The following AAGAB variants were observed in gnomAD, a reference collection of about 807,000 sequenced individuals.
The protein encoded by AAGAB is alpha- and gamma-adaptin-binding protein p34.
Under a neutral mutation model 44.1 loss-of-function variants are expected in AAGAB, and 38 were observed. The ratio of observed to expected loss-of-function variants is 0.86; its 90% CI spans 0.67 to 1.13. The LOEUF is 1.13. AAGAB is among the 50% of genes most tolerant of loss of function. The pLI is 0.00. For synonymous variants in AAGAB, 131 were observed against 131.8 expected, an observed-to-expected ratio of 0.99 and a Z score of 0.04; for missense variants, 450 against 373.8, an observed-to-expected ratio of 1.20 and a Z score of -1.68.
intron 5 of AAGAB, among the ~76,000 whole-genome samples, chr15:67,213,854 A>G (rs1963880615): frequency 6.6e-6 from 1 of 152,254 alleles, no homozygotes; most frequent in African/African-American, 2.4e-5. Flanking sequence ...TCCTCACAAC[A>G]ATCAAAGTAT....
chr15:67,210,409 G>A (rs1353658327), intron 5 of AAGAB, among the ~76,000 whole-genome samples: 4 of 151,856 alleles, frequency 2.6e-5, no homozygotes, highest in Non-Finnish European at 5.9e-5. Context: ...TCAGCTACTC[G>A]GGAGGCTGAG....
intron 1 of AAGAB, chr15:67,254,309 G>A (rs747445154): frequency 2.8e-6 from 3 of 1,068,698 alleles, no homozygotes; most frequent in East Asian, 2.9e-5. Flanking sequence ...GGCCTGGGCT[G>A]AGCAGAGCGG....
intron 1 of AAGAB, among the ~76,000 whole-genome samples, chr15:67,251,024 C>G (rs1016953480): frequency 6.6e-6 from 1 of 152,046 alleles, no homozygotes; most frequent in Admixed American, 6.6e-5. Flanking sequence ...GAGACTCCGT[C>G]TCAATAATTA....
chr15:67,227,546 A>G (rs1279389420), intron 5 of AAGAB, among the ~76,000 whole-genome samples: 1 of 152,312 alleles, frequency 6.6e-6, no homozygotes, highest in South Asian at 2.1e-4. Context: ...AAGAAAAAAG[A>G]GTAGGAAAAA....
chr15:67,232,853 G>T, intron 4 of AAGAB: 1 of 178,326 alleles, frequency 5.6e-6, no homozygotes, highest in East Asian at 1.5e-4. Context: ...GTGCTGCAAG[G>T]ATGTTATCAG....
Position 67,249,528 on chromosome 15 carries a change from T to C in AAGAB, c.73+5031A>G, listed in dbSNP as rs147726569. The stretch of plus-strand genomic sequence containing the variant: ...CATAATGCTCTTTTTTAATATGTAT[T>C]TAATTTAATACACATATTAAATAAT... On this transcript the variant is annotated intron_variant, in intron 1 of 9. Coordinates refer to ENST00000261880, the MANE Select transcript of AAGAB (RefSeq NM_024666.5). Among the ~76,000 whole-genome samples, 123 of 152,330 alleles carry C rather than the reference T, an allele frequency of 8.1e-4. No individual in the cohort carries two copies. The East Asian group carries it at 0.013, about 16-fold the overall frequency.
chr15:67,236,490 A>C lies in AAGAB; in HGVS notation c.279T>G (p.Asp93Glu). ...YFDSTQKSGL[D>E]SVSSWLPLAK... is the part of the protein sequence containing the mutation. ...CCAGTGGAAGCCATGAGGAGACACT[A>C]TCAAGGCCCGATTTCTAGAGGGAAC... The change falls in exon 3 of 10, where the codon GAT becomes GAG. Residue 93 changes from aspartate (D) to glutamate (E), a missense_variant. By Grantham distance (45) the Asp-to-Glu change is conservative. Coordinates refer to ENST00000261880, the MANE Select transcript of AAGAB (RefSeq NM_024666.5). 1 of 1,614,106 alleles carries C rather than the reference A, an allele frequency of 6.2e-7. No homozygotes were observed. Among genetic ancestry groups the C allele is most frequent in the Non-Finnish European group, 8.5e-7 (1 of 1,179,952 alleles).
At chr15:67,224,452 T>C (rs186236714) in intron 5 of AAGAB, among the ~76,000 whole-genome samples, 11 of 152,280 alleles carry the variant, frequency 7.2e-5, no homozygotes, top group Non-Finnish European at 1.5e-4. Context: ...TAGACCATAC[T>C]AGAAACAAGT....
intron 7 of AAGAB, among the ~76,000 whole-genome samples, chr15:67,205,439 A>T (rs1963663468): frequency 6.6e-6 from 1 of 152,224 alleles, no homozygotes; most frequent in Non-Finnish European, 1.5e-5. Context: ...TGTAGACAGA[A>T]TCACTCCATG....
At chr15:67,243,931 T>A (rs905288956) in intron 1 of AAGAB, among the ~76,000 whole-genome samples, 2 of 152,186 alleles carry the variant, frequency 1.3e-5, no homozygotes, top group African/African-American at 4.8e-5. Flanking sequence ...GAAAATAATC[T>A]ATGAATGGTA....
chr15:67,235,823 TG>T (rs1173322408), intron 4 of AAGAB, among the ~76,000 whole-genome samples, 155 bp downstream of exon 4: 8 of 152,220 alleles, frequency 5.3e-5, no homozygotes, highest in Admixed American at 5.2e-4. Context: ...TTACACTAAG[TG>T]TAAGATTATA....
At chr15:67,243,373 C>T (rs2140391199) in intron 1 of AAGAB, among the ~76,000 whole-genome samples, 1 of 152,274 alleles carries the variant, frequency 6.6e-6, no homozygotes, top group East Asian at 1.9e-4. Flanking sequence ...CAATTCCTAC[C>T]TATATTTTAG....
chr15:67,206,327 T>C (rs901618861), intron 7 of AAGAB, among the ~76,000 whole-genome samples: 22 of 152,264 alleles, frequency 1.4e-4, no homozygotes, highest in African/African-American at 4.8e-4. Context: ...TAACCTTCAT[T>C]ACATAATTAA....
chr15:67,220,844 G>C (rs1964050089), intron 5 of AAGAB, among the ~76,000 whole-genome samples: 1 of 152,104 alleles, frequency 6.6e-6, no homozygotes, highest in Admixed American at 6.5e-5. Context: ...TTCACTGTAG[G>C]CTTTTTGAAT....
At chr15:67,222,275 C>T (rs1472763172) in intron 5 of AAGAB, among the ~76,000 whole-genome samples, 1 of 150,384 alleles carries the variant, frequency 6.6e-6, no homozygotes, top group South Asian at 2.1e-4. Context: ...CACACACACA[C>T]ACACACACCC....
chr15:67,255,054 A>G, upstream of AAGAB: 10 of 1,107,582 alleles, frequency 9.0e-6, no homozygotes, highest in Non-Finnish European at 1.4e-5. Context: ...CGCCGCCCCT[A>G]GACTCCCTCC....
At chr15:67,254,725 C>A (rs1331283853), upstream of AAGAB, 12 of 1,398,506 alleles carry the variant, frequency 8.6e-6, no homozygotes, top group South Asian at 1.2e-5. Context: ...CCGGAGAGGG[C>A]GTTCTCGGAA....
chr15:67,247,786 A>C (rs927418753), intron 1 of AAGAB, among the ~76,000 whole-genome samples: 27 of 152,246 alleles, frequency 1.8e-4, no homozygotes, highest in African/African-American at 6.3e-4. Context: ...TATTTAACTT[A>C]TCACACTTTA....
At chr15:67,229,458 A>T (rs771426067) in intron 5 of AAGAB, among the ~76,000 whole-genome samples, 2 of 151,526 alleles carry the variant, frequency 1.3e-5, no homozygotes, top group Non-Finnish European at 2.9e-5. Context: ...AGAGTTGGAG[A>T]AGGAAAAAAA....
Sources: allele counts gnomAD v4.1 joint callset (sites outside exome capture counted in the v4.1 genomes callset), GRCh38; gene constraint gnomAD v4.1.1; transcripts MANE v1.5; gene names NCBI Gene and HGNC (gene_info 2026-07-23, HGNC 2026-07-21).